The following FSD1L variants were observed in gnomAD, a reference collection of about 807,000 sequenced individuals.
FSD1L encodes the protein FSD1-like protein.
A neutral mutation model predicts 71.6 loss-of-function variants in FSD1L; 45 were observed. That is an observed-to-expected ratio of 0.63 (90% confidence interval 0.49 to 0.81). FSD1L has a LOEUF of 0.81. FSD1L is among the 30% of genes least tolerant of loss of function. The pLI is 0.00. For missense variants in FSD1L, 561 were observed against 618.1 expected, an observed-to-expected ratio of 0.91 and a Z score of 0.98; for synonymous variants, 197 against 207.2, an observed-to-expected ratio of 0.95 and a Z score of 0.42.
chr9:105,534,623 T>C, intron 11 of FSD1L, 30 bp downstream of exon 11: 1 of 1,309,646 alleles, frequency 7.6e-7, no homozygotes, highest in Non-Finnish European at 1.1e-6. Context: ...TTTTTCATTA[T>C]CTCAGATTAA....
rs981681330 is a variant in FSD1L, at chr9:105,525,471, T to C, written c.1026-9022T>C. On this transcript the variant is annotated intron_variant, in intron 10 of 13. Transcript: ENST00000481272. ...AAGAATTTGTTGAGAAGCACTTTAA[T>C]GACTTAAACATGAAAGCTGTGGAAC... 2.5e-6 allele frequency: 4 copies of C among 1,609,004 alleles called. No homozygotes were observed. The Admixed American group carries it at 6.8e-5, about 27-fold the overall frequency.
At chr9:105,519,671 A>G (rs745850076) in intron 10 of FSD1L, among the ~76,000 whole-genome samples, 6 of 152,252 alleles carry the variant, frequency 3.9e-5, no homozygotes, top group Admixed American at 1.3e-4. Flanking sequence ...AGAGCTGTTT[A>G]TGCAAACCCA....
chr9:105,522,963 C>G (rs181319209), intron 10 of FSD1L: 1,223 of 1,613,924 alleles, frequency 7.6e-4, no homozygotes, highest in Non-Finnish European at 9.9e-4. Flanking sequence ...GAGCAGTGAT[C>G]TTATCAGCTC....
At chr9:105,479,275 T>C in intron 5 of FSD1L, 79 bp from the exon 6 acceptor site, 1 of 1,293,054 alleles carries the variant, frequency 7.7e-7, no homozygotes, top group East Asian at 2.5e-5. Flanking sequence ...TCCTAACTTT[T>C]CTTGCATGTC....
At chr9:105,446,083 G>T (rs1439011827), upstream of FSD1L, among the ~76,000 whole-genome samples, 1 of 150,470 alleles carries the variant, frequency 6.6e-6, no homozygotes, top group Non-Finnish European at 1.5e-5. Flanking sequence ...ATACAGATAT[G>T]GGGTAAAAGA....
chr9:105,480,978 CTT>C (rs1258439613), intron 6 of FSD1L, among the ~76,000 whole-genome samples: 2 of 152,078 alleles, frequency 1.3e-5, no homozygotes, highest in Non-Finnish European at 2.9e-5. Context: ...TCCTTAAACT[CTT>C]TGTCTTTGCC....
chr9:105,458,307 A>G (rs1201895109), intron 1 of FSD1L, among the ~76,000 whole-genome samples: 1 of 152,064 alleles, frequency 6.6e-6, no homozygotes, highest in Non-Finnish European at 1.5e-5. Context: ...GCTGGCCAGG[A>G]ACATGTTACA....
At chr9:105,544,133 T>C (rs1470120598) in intron 13 of FSD1L, among the ~76,000 whole-genome samples, 1 of 152,214 alleles carries the variant, frequency 6.6e-6, no homozygotes, top group Non-Finnish European at 1.5e-5. Flanking sequence ...TTCTAACTGG[T>C]GTGAGATGGT....
chr9:105,484,607 G>A (rs1832415904), intron 7 of FSD1L, 105 bp downstream of exon 7: 1 of 654,070 alleles, frequency 1.5e-6, no homozygotes, highest in Non-Finnish European at 2.2e-6. Flanking sequence ...AGTATAGTGT[G>A]ATTTTTTTTT....
At chr9:105,514,344 A>C (rs1322844114) in intron 10 of FSD1L, among the ~76,000 whole-genome samples, 2 of 152,148 alleles carry the variant, frequency 1.3e-5, no homozygotes, top group Admixed American at 6.5e-5. Flanking sequence ...CTCCCTTCCT[A>C]CTTTTTAAGA....
At chr9:105,498,615 T>C (rs1306645663) in intron 7 of FSD1L, among the ~76,000 whole-genome samples, 7 of 152,258 alleles carry the variant, frequency 4.6e-5, no homozygotes, top group Non-Finnish European at 1.0e-4. Flanking sequence ...AATGTTGTTA[T>C]ATGGCTTATG....
At chr9:105,445,484 C>A (rs911473084), upstream of FSD1L, among the ~76,000 whole-genome samples, 2 of 152,106 alleles carry the variant, frequency 1.3e-5, no homozygotes, top group African/African-American at 4.8e-5. Context: ...AAGCCTCTTT[C>A]TTCTTTCTCT....
intron 12 of FSD1L, 58 bp from the exon 13 acceptor site, chr9:105,539,205 T>TGC: frequency 1.3e-6 from 1 of 791,982 alleles, no homozygotes; most frequent in Non-Finnish European, 2.0e-6. Flanking sequence ...GCGTTAGAAT[T>TGC]AATTAAATGT....
intron 10 of FSD1L, chr9:105,521,011 T>C: frequency 6.2e-7 from 1 of 1,612,058 alleles, no homozygotes. Flanking sequence ...CCTTATATTT[T>C]TCCAAACATC....
At chr9:105,442,774 C>A in the FSD1L span, among the ~76,000 whole-genome samples, 5 of 152,194 alleles carry the variant, frequency 3.3e-5, no homozygotes, top group African/African-American at 9.7e-5. Flanking sequence ...AAATGTCCAG[C>A]CCCTGCTTAT....
chr9:105,542,014 A>G (rs530849967), intron 13 of FSD1L, among the ~76,000 whole-genome samples: 1 of 152,306 alleles, frequency 6.6e-6, no homozygotes, highest in African/African-American at 2.4e-5. Flanking sequence ...TTATTCATTC[A>G]TTCACCAGTT....
At chr9:105,464,097 T>C (rs1285575415) in intron 2 of FSD1L, 139 bp from the exon 3 acceptor site, 2 of 584,188 alleles carry the variant, frequency 3.4e-6, no homozygotes, top group Non-Finnish European at 6.0e-6. Context: ...TTGGAAGTTT[T>C]GAAGAATGAG....
Position 105,523,234 on chromosome 9 carries a change from C to A in FSD1L, c.1025+10298C>A, listed in dbSNP as rs1300997287. The stretch of plus-strand genomic sequence containing the variant: ...TCAGAAAGTGCTTCCCCAGTCCACT[C>A]ACCTCTGTGCTCCAGGTCACAGACT... On this transcript the variant is annotated intron_variant, in intron 10 of 13. Transcript: ENST00000481272. 8.1e-6 allele frequency: 13 copies of A among 1,610,230 alleles called. No individual in the cohort carries two copies. In the East Asian group the frequency reaches 2.2e-4, roughly 28 times the overall value.
chr9:105,499,325 A>T lies in FSD1L; in HGVS notation c.587-7074A>T, dbSNP rs141537348. 1.4e-3 allele frequency among the ~76,000 whole-genome samples: 208 copies of T among 152,298 alleles called. 5 individuals carry two copies. The East Asian group carries it at 0.028, about 20-fold the overall frequency. On this transcript the variant is annotated intron_variant, in intron 7 of 13. Transcript: ENST00000481272. Reference sequence around the variant, plus strand: ...CCCTTATTGTTTTGAATTAACTGTTACTGGTTAGATCAGTCAAGAATAAGA... The same window carrying T: ...CCCTTATTGTTTTGAATTAACTGTTTCTGGTTAGATCAGTCAAGAATAAGA...
Sources: allele counts gnomAD v4.1 joint callset (sites outside exome capture counted in the v4.1 genomes callset), GRCh38; gene constraint gnomAD v4.1.1; transcripts MANE v1.5; gene names NCBI Gene and HGNC (gene_info 2026-07-23, HGNC 2026-07-21).